Variants in SRGAP1 observed in about 807,000 individuals in gnomAD.
The protein encoded by SRGAP1 is SLIT-ROBO Rho GTPase activating protein 1.
In SRGAP1, 43 loss-of-function variants were observed where a neutral mutation model predicts 121.9. The ratio of observed to expected loss-of-function variants is 0.35; its 90% CI spans 0.28 to 0.46. The LOEUF (loss-of-function observed/expected upper bound fraction) is 0.46. Among genes scored for constraint, SRGAP1 ranks in the 20% least tolerant of loss-of-function variants. The pLI, the probability that SRGAP1 is intolerant of heterozygous loss-of-function variation, is 1.00. For missense variants in SRGAP1, 1,102 were observed against 1,350.9 expected (o/e 0.82, Z 2.89); for synonymous variants, 447 against 485.4 (o/e 0.92, Z 1.04).
At chr12:63,971,749 G>A (rs1429127896) in intron 1 of SRGAP1, among the ~76,000 whole-genome samples, 1 of 151,672 alleles carries the variant, frequency 6.6e-6, no homozygotes, top group African/African-American at 2.4e-5. Flanking sequence ...TGTGGGTATA[G>A]GGGTGTGTGT....
chr12:63,925,829 C>T (rs897104514), intron 1 of SRGAP1, among the ~76,000 whole-genome samples: 1 of 152,140 alleles, frequency 6.6e-6, no homozygotes, highest in African/African-American at 2.4e-5. Context: ...TTTCCTATGT[C>T]TGACCCCACT....
chr12:64,047,396 G>A (rs1296166918), intron 6 of SRGAP1, among the ~76,000 whole-genome samples: 3 of 152,152 alleles, frequency 2.0e-5, no homozygotes, highest in South Asian at 4.1e-4. Flanking sequence ...AGATTATTAT[G>A]CAGAGGTATC....
intron 8 of SRGAP1, among the ~76,000 whole-genome samples, chr12:64,071,878 C>T (rs1045885133): frequency 6.7e-6 from 1 of 148,668 alleles, no homozygotes; most frequent in African/African-American, 2.5e-5. Flanking sequence ...TCACCCCCCC[C>T]CAAAAAAAAA....
intron 11 of SRGAP1, among the ~76,000 whole-genome samples, chr12:64,091,000 T>TCTACTTGG (rs1181091128): frequency 6.6e-6 from 1 of 152,110 alleles, no homozygotes; most frequent in Non-Finnish European, 1.5e-5. Context: ...AGCTAACGAG[T>TCTACTTGG]CTACTTGGTA....
chr12:64,060,843 A>C (rs2035438631), intron 6 of SRGAP1, among the ~76,000 whole-genome samples: 1 of 152,118 alleles, frequency 6.6e-6, no homozygotes, highest in African/African-American at 2.4e-5. Flanking sequence ...CTTATGTTCA[A>C]ATTCCTTGTG....
intron 1 of SRGAP1, among the ~76,000 whole-genome samples, chr12:63,894,635 C>T (rs1410323714): frequency 1.3e-5 from 2 of 152,082 alleles, no homozygotes; most frequent in African/African-American, 2.4e-5. Context: ...CCCCACCCCA[C>T]GACAGGCCCC....
At chr12:64,006,033 C>T (rs1356209307) in intron 3 of SRGAP1, among the ~76,000 whole-genome samples, 4 of 152,140 alleles carry the variant, frequency 2.6e-5, no homozygotes, top group Non-Finnish European at 4.4e-5. Flanking sequence ...ATAAAAATTA[C>T]ATTACAAATT....
intron 4 of SRGAP1, among the ~76,000 whole-genome samples, chr12:64,031,896 G>A (rs1437654707): frequency 6.6e-6 from 1 of 152,104 alleles, no homozygotes; most frequent in Non-Finnish European, 1.5e-5. Context: ...AATAGATGAG[G>A]GTCAGAAAGG....
chr12:63,971,122 C>G (rs1428617564), intron 1 of SRGAP1, among the ~76,000 whole-genome samples: 3 of 152,162 alleles, frequency 2.0e-5, no homozygotes, highest in Non-Finnish European at 2.9e-5. Context: ...CCACAACTTA[C>G]CAAATTTCTG....
At chr12:64,097,079 G>T (rs2036169462) in intron 14 of SRGAP1, among the ~76,000 whole-genome samples, 162 bp from the exon 15 acceptor site, 1 of 152,056 alleles carries the variant, frequency 6.6e-6, no homozygotes, top group African/African-American at 2.4e-5. Flanking sequence ...CATGGGGTGG[G>T]ATATCTAAAC....
chr12:63,959,015 G>A (rs2032556828), intron 1 of SRGAP1, among the ~76,000 whole-genome samples: 1 of 152,066 alleles, frequency 6.6e-6, no homozygotes, highest in South Asian at 2.1e-4. Context: ...ACATCTTTCA[G>A]TTCATCAATT....
chr12:63,864,808 A>G (rs1899568549), intron 1 of SRGAP1, among the ~76,000 whole-genome samples: 1 of 152,186 alleles, frequency 6.6e-6, no homozygotes, highest in Non-Finnish European at 1.5e-5. Context: ...AACATTAGGT[A>G]AAAACAAAGG....
At chr12:64,049,126 A>G (rs1401046214) in intron 6 of SRGAP1, among the ~76,000 whole-genome samples, 1 of 152,206 alleles carries the variant, frequency 6.6e-6, no homozygotes, top group Non-Finnish European at 1.5e-5. Flanking sequence ...TAGTAGTTGC[A>G]TAGTTCAAAG....
intron 1 of SRGAP1, among the ~76,000 whole-genome samples, chr12:63,952,256 T>C (rs1051953267): frequency 1.3e-5 from 2 of 152,204 alleles, no homozygotes; most frequent in African/African-American, 4.8e-5. Flanking sequence ...CTCATGCCTG[T>C]AATCCAGCAT....
chr12:63,886,218 G>A (rs1008559514), intron 1 of SRGAP1, among the ~76,000 whole-genome samples: 1 of 151,934 alleles, frequency 6.6e-6, no homozygotes, highest in East Asian at 1.9e-4. Flanking sequence ...GTGCCACCAC[G>A]CCTGTCTAAT....
chr12:63,863,749 A>C (rs1899533245), intron 1 of SRGAP1, among the ~76,000 whole-genome samples: 1 of 152,228 alleles, frequency 6.6e-6, no homozygotes, highest in East Asian at 1.9e-4. Context: ...TAAACAAATT[A>C]AATTTAACAG....
At chr12:63,924,910 A>G (rs977917945) in intron 1 of SRGAP1, among the ~76,000 whole-genome samples, 18 of 152,228 alleles carry the variant, frequency 1.2e-4, no homozygotes, top group Non-Finnish European at 2.1e-4. Flanking sequence ...GATTGAATTA[A>G]GAAATGAATT....
intron 1 of SRGAP1, among the ~76,000 whole-genome samples, chr12:63,958,469 T>C (rs1454044418): frequency 6.6e-6 from 1 of 152,226 alleles, no homozygotes; most frequent in African/African-American, 2.4e-5. Flanking sequence ...CTGGTTTTCA[T>C]AGTGGCCATT....
chr12:64,001,552 C>T (rs2033897711), intron 3 of SRGAP1, among the ~76,000 whole-genome samples: 2 of 152,160 alleles, frequency 1.3e-5, no homozygotes, highest in African/African-American at 4.8e-5. Context: ...TCCTAGCTAG[C>T]TTGCTGGATG....
Sources: allele counts gnomAD v4.1 joint callset (sites outside exome capture counted in the v4.1 genomes callset), GRCh38; gene constraint gnomAD v4.1.1; transcripts MANE v1.5; gene names NCBI Gene and HGNC (gene_info 2026-07-23, HGNC 2026-07-21).